The following ARAP1 variants were observed in gnomAD, a reference collection of about 807,000 sequenced individuals.
ARAP1 encodes ArfGAP with RhoGAP domain, ankyrin repeat and PH domain 1, also known as arf-GAP with Rho-GAP domain, ANK repeat and PH domain-containing protein 1.
In ARAP1, 76 loss-of-function variants were observed where a neutral mutation model predicts 172.2. The observed-to-expected ratio is 0.44, with a 90% CI of 0.37 to 0.53. The LOEUF (loss-of-function observed/expected upper bound fraction) is 0.53. ARAP1 is among the 20% of genes least tolerant of loss of function. ARAP1 has a pLI of 0.00. For synonymous variants in ARAP1, 804 were observed against 803.3 expected (o/e 1.00, Z -0.01); for missense variants, 1,686 against 1,977.5 (o/e 0.85, Z 2.80).
intron 30 of ARAP1, 124 bp from the exon 31 acceptor site, chr11:72,688,661 T>A: frequency 2.6e-6 from 2 of 778,686 alleles, no homozygotes; most frequent in Admixed American, 2.5e-5. Context: ...ACAGGGCGCC[T>A]CCTCCAAGAA....
intron 1 of ARAP1, among the ~76,000 whole-genome samples, chr11:72,737,713 C>T (rs1858075210): frequency 1.3e-5 from 2 of 152,014 alleles, no homozygotes; most frequent in African/African-American, 4.8e-5. Context: ...ACCTCAGCCT[C>T]CTGGGCTCAA....
chr11:72,749,152 C>T (rs1373811315), intron 1 of ARAP1, among the ~76,000 whole-genome samples: 4 of 152,178 alleles, frequency 2.6e-5, no homozygotes. Context: ...CTGTTCAAGG[C>T]TGCCTCGGTC....
chr11:72,733,869 G>C (rs952235987), intron 1 of ARAP1, among the ~76,000 whole-genome samples: 9 of 152,144 alleles, frequency 5.9e-5, no homozygotes, highest in African/African-American at 2.2e-4. Context: ...CGTTGCCCCA[G>C]CTGGAGTGCA....
rs1444516793 is a variant in ARAP1, at chr11:72,726,661, T to G, written c.468A>C (p.Pro156=). ...GGGGTCCGGTGCGGGGCGGCACGGGTGGAACGCTCAGCTCTGCCAAATGCC... is the reference window on the plus strand; with the variant it reads ...GGGGTCCGGTGCGGGGCGGCACGGGGGGAACGCTCAGCTCTGCCAAATGCC... ...AKRHLAELSV[P]PVPPRTGPPR... Residue 156 remains proline (P), a synonymous_variant, in exon 3 of 35, where the codon CCA becomes CCC. Transcript: ENST00000393609. The surrounding 1 kb of genome is among the most constrained non-coding windows in gnomAD (Gnocchi z 6.5). The G allele has an allele frequency of 6.5e-7, 1 of 1,536,138 alleles. No homozygotes were observed.
Position 72,696,656 on chromosome 11 carries a change from TG to T in ARAP1, c.3167-3del, listed in dbSNP as rs778272259. On this transcript the variant is annotated splice_polypyrimidine_tract_variant and splice_region_variant and intron_variant, in intron 22 of 34. Transcript: ENST00000393609. ...CCTTCTCCTCCTCGTCCTCAATCTC[TG>T]GGTGGGAAAGATAAATCAAGTCAGA... 1 of 1,582,906 alleles carries T rather than the reference TG, an allele frequency of 6.3e-7. No homozygotes were observed. The highest frequency in any genetic ancestry group is 8.6e-7 in the Non-Finnish European group (1 of 1,162,132).
Position 72,695,707 on chromosome 11 carries a change from C to T in ARAP1, c.3420+11G>A, listed in dbSNP as rs780306136. 6.2e-7 allele frequency: 1 copy of T among 1,614,146 alleles called. No individual in the cohort carries two copies. Among genetic ancestry groups the T allele is most frequent in the Admixed American group, 1.7e-5 (1 of 60,022 alleles). On this transcript the variant is annotated intron_variant, in intron 24 of 34. Coordinates refer to ENST00000393609, the MANE Select transcript of ARAP1 (RefSeq NM_001040118.3). The surrounding 1 kb of genome is among the most constrained non-coding windows in gnomAD (Gnocchi z 4.4). ...CCCCTGCCCTCCACTGCCCACTGGC[C>T]AGGGACGCACACTAAACACCACCAC...
intron 1 of ARAP1, among the ~76,000 whole-genome samples, chr11:72,745,531 G>A (rs1858338833): frequency 6.6e-6 from 1 of 151,840 alleles, no homozygotes; most frequent in South Asian, 2.1e-4. Flanking sequence ...TCAAGTGGGT[G>A]AAAGCCTTGC....
At chr11:72,694,697 C>T (rs1856098662) in intron 27 of ARAP1, among the ~76,000 whole-genome samples, 1 of 152,098 alleles carries the variant, frequency 6.6e-6, no homozygotes, top group Admixed American at 6.6e-5. Flanking sequence ...CAGATACAGC[C>T]TCATCCTCCA....
chr11:72,709,605 G>A (rs1856917976), intron 11 of ARAP1, among the ~76,000 whole-genome samples: 2 of 151,972 alleles, frequency 1.3e-5, no homozygotes, highest in Non-Finnish European at 2.9e-5. Flanking sequence ...GTGGGAGCAG[G>A]AGGCCAGATG....
At position 72,722,201 on chromosome 11, in the gene ARAP1, G is replaced by A. The variant is rs1255958980; in HGVS notation, c.509+4419C>T. 4 of 985,508 alleles carry A rather than the reference G, an allele frequency of 4.1e-6. No individual in the cohort carries two copies. In the African/African-American group the frequency reaches 7.0e-5, roughly 17 times the overall value. The allele number at this position is 985,508 out of a possible 1,614,324, so 61.0% of individuals were successfully genotyped here. ...ACAGAGGGAGAGAGAGAGAGAGTGT[G>A]TGTGAGTGTGTGTGACTCTGTGTGT... On this transcript the variant is annotated intron_variant, in intron 3 of 34. Coordinates refer to ENST00000393609, the MANE Select transcript of ARAP1 (RefSeq NM_001040118.3).
intron 29 of ARAP1, 113 bp from the exon 30 acceptor site, chr11:72,692,898 G>T: frequency 7.2e-7 from 1 of 1,380,460 alleles, no homozygotes; most frequent in Non-Finnish European, 1.0e-6. Context: ...TGCAGAAGGT[G>T]GAGGGTGTCA....
Position 72,701,715 on chromosome 11 carries a change from G to A in ARAP1, c.2236C>T (p.His746Tyr), listed in dbSNP as rs1403597606. 3 of 1,613,902 alleles carry A rather than the reference G, an allele frequency of 1.9e-6. No individual in the cohort carries two copies. The South Asian group carries it at 3.3e-5, about 18-fold the overall frequency. ...GCAGTCTTGTAGAGGAAGCCACTGT[G>A]GCTCACGGTCGGCAGGACAACTGAG... ...HYSVVLPTVSHSGFLYKTASA... is the reference protein window; with the variant it reads ...HYSVVLPTVSYSGFLYKTASA... The change falls in exon 16 of 35, where the codon CAC becomes TAC. Residue 746 changes from histidine to tyrosine, a missense_variant. This residue lies in a region of ARAP1 where 688 missense variants were observed against 856.9 expected (regional missense o/e 0.80). Coordinates refer to ENST00000393609, the MANE Select transcript of ARAP1 (RefSeq NM_001040118.3).
chr11:72,708,904 G>T (rs1046466792), intron 11 of ARAP1, among the ~76,000 whole-genome samples: 1 of 152,224 alleles, frequency 6.6e-6, no homozygotes, highest in African/African-American at 2.4e-5. Flanking sequence ...GGGCGTGGTA[G>T]CGTGCACCTG....
chr11:72,697,524 CT>C (rs1856265862), intron 20 of ARAP1, 38 bp from the exon 21 acceptor site: 1 of 1,612,840 alleles, frequency 6.2e-7, no homozygotes, highest in South Asian at 1.1e-5. Flanking sequence ...GGGCCTACAC[CT>C]ATCCCACCCT....
intron 11 of ARAP1, chr11:72,708,273 T>C (rs1856854033): frequency 6.6e-6 from 1 of 152,178 alleles, no homozygotes; most frequent in African/African-American, 2.4e-5. Flanking sequence ...ACCTAGCACG[T>C]GGAATTCGCA....
At position 72,693,602 on chromosome 11, in the gene ARAP1, G is replaced by C; in HGVS notation, c.3808+90C>G. On this transcript the variant is annotated intron_variant, in intron 28 of 34. Coordinates refer to ENST00000393609, the MANE Select transcript of ARAP1 (RefSeq NM_001040118.3). The surrounding 1 kb of genome is among the most constrained non-coding windows in gnomAD (Gnocchi z 4.6). ...CCCACCCACTTGGCGCCCTCTGTCT[G>C]AGCTGTTCCTACCTGGCACCACCAG... 1 of 1,533,528 alleles carries C rather than the reference G, an allele frequency of 6.5e-7. No individual in the cohort carries two copies. The highest frequency in any genetic ancestry group is 8.8e-7 in the Non-Finnish European group (1 of 1,134,348). The allele number at this position is 1,533,528 out of a possible 1,614,324, so 95.0% of individuals were successfully genotyped here.
intron 3 of ARAP1, chr11:72,722,214 T>TGA (rs2135565485): frequency 1.0e-6 from 1 of 985,748 alleles, no homozygotes; most frequent in Non-Finnish European, 1.2e-6. Flanking sequence ...TGAGTGTGTG[T>TGA]GACTCTGTGT....
At chr11:72,738,431 C>T (rs906358341) in intron 1 of ARAP1, among the ~76,000 whole-genome samples, 7 of 152,106 alleles carry the variant, frequency 4.6e-5, no homozygotes, top group African/African-American at 1.4e-4. Flanking sequence ...TTGGCCAGGC[C>T]GCCTCCCCTG....
intron 30 of ARAP1, among the ~76,000 whole-genome samples, chr11:72,690,633 A>G (rs112153414): frequency 3.9e-5 from 6 of 152,094 alleles, no homozygotes; most frequent in Admixed American, 1.3e-4. Flanking sequence ...TCCCACCTTG[A>G]CCTCTCAAAG....
Sources: allele counts gnomAD v4.1 joint callset (sites outside exome capture counted in the v4.1 genomes callset), GRCh38; gene constraint gnomAD v4.1.1; regional missense constraint gnomAD v4.1.1; non-coding constraint Gnocchi (gnomAD v3.1); transcripts MANE v1.5; gene names NCBI Gene and HGNC (gene_info 2026-07-23, HGNC 2026-07-21).